Variants in STK3 observed in about 807,000 individuals in gnomAD.
STK3 encodes the protein serine/threonine kinase 3.
STK3 carries 41 observed loss-of-function variants against 58.0 expected under a neutral mutation model. That is an observed-to-expected ratio of 0.71 (90% CI 0.55 to 0.92). The LOEUF (loss-of-function observed/expected upper bound fraction) is 0.92. Ranked by LOEUF, STK3 falls within the 40% of genes least tolerant of loss-of-function variation. The pLI is 0.00. For synonymous variants in STK3, 170 were observed against 191.0 expected (o/e 0.89, Z 0.91); for missense variants, 479 against 602.7 (o/e 0.79, Z 2.15).
At chr8:98,510,837 C>G (rs1024958897) in intron 10 of STK3, among the ~76,000 whole-genome samples, 1 of 151,784 alleles carries the variant, frequency 6.6e-6, no homozygotes, top group Non-Finnish European at 1.5e-5. Flanking sequence ...AATAGGATAC[C>G]CTGTGAGTAA....
chr8:98,894,497 A>T (rs963324764), intron 1 of STK3, among the ~76,000 whole-genome samples: 4 of 152,122 alleles, frequency 2.6e-5, no homozygotes, highest in African/African-American at 9.7e-5. Flanking sequence ...TTAAAATTTC[A>T]TCTCTATGGC....
chr8:98,807,521 G>C (rs1041205406), intron 1 of STK3, among the ~76,000 whole-genome samples: 1 of 152,166 alleles, frequency 6.6e-6, no homozygotes, highest in African/African-American at 2.4e-5. Context: ...GGCTCCCAAA[G>C]TACTGGGATT....
At chr8:98,806,953 A>C (rs541806438) in intron 1 of STK3, among the ~76,000 whole-genome samples, 1 of 151,954 alleles carries the variant, frequency 6.6e-6, no homozygotes, top group Non-Finnish European at 1.5e-5. Context: ...AGGAGATCGA[A>C]ACCATCCTGG....
Position 98,901,598 on chromosome 8 carries a change from C to T in STK3, c.-78-17764G>A, listed in dbSNP as rs567585574. Among the ~76,000 whole-genome samples, 4 of 152,368 alleles carry T rather than the reference C, an allele frequency of 2.6e-5. No homozygotes were observed. The East Asian group carries it at 7.7e-4, about 29-fold the overall frequency. On this transcript the variant is annotated intron_variant, in intron 1 of 1. Transcript: ENST00000519420. ...GGGGTTCCCAGGCTGAAATTCCATTCTCAGGTAGCTCACAGGGCAGATCTG... is the reference window on the plus strand; with the variant it reads ...GGGGTTCCCAGGCTGAAATTCCATTTTCAGGTAGCTCACAGGGCAGATCTG...
intron 10 of STK3, among the ~76,000 whole-genome samples, chr8:98,518,170 T>C (rs1002012252): frequency 6.6e-6 from 1 of 152,126 alleles, no homozygotes; most frequent in African/African-American, 2.4e-5. Flanking sequence ...AGAAACCACA[T>C]ACTGCACCTG....
intron 1 of STK3, among the ~76,000 whole-genome samples, chr8:98,440,511 C>T (rs1315125842): frequency 6.6e-6 from 1 of 152,108 alleles, no homozygotes; most frequent in African/African-American, 2.4e-5. Flanking sequence ...GTTCCTCATT[C>T]CCCAATCCCC....
rs187144200 is a variant in STK3, at chr8:98,804,552, T to C, written c.26+20963A>G. Among the ~76,000 whole-genome samples, 1,408 of 152,274 alleles carry C rather than the reference T, an allele frequency of 9.2e-3. 13 individuals carry two copies. Among genetic ancestry groups the C allele is most frequent in the African/African-American group, 0.032 (1,310 of 41,542 alleles). ...TCAGTTACTATCAAGTATAACACAATAGTCACCTTTTTTAAGGTAGATATC... is the reference window on the plus strand; with the variant it reads ...TCAGTTACTATCAAGTATAACACAACAGTCACCTTTTTTAAGGTAGATATC... On this transcript the variant is annotated intron_variant, in intron 1 of 10. Coordinates refer to ENST00000419617, the MANE Select transcript of STK3 (RefSeq NM_006281.4).
At chr8:98,904,851 T>C (rs1199252433) in intron 1 of STK3, 2 of 670,276 alleles carry the variant, frequency 3.0e-6, no homozygotes, top group Non-Finnish European at 5.7e-6. Context: ...GTATCTGTCT[T>C]AGGGATTAGC....
At chr8:98,904,773 G>A (rs1587828156) in intron 1 of STK3, 2 of 702,848 alleles carry the variant, frequency 2.8e-6, no homozygotes, top group East Asian at 8.0e-5. Context: ...TCCACAATAG[G>A]AGGAAGTGGT....
At position 98,526,799 on chromosome 8, in the gene STK3, C is replaced by G. The variant is rs536624746; in HGVS notation, c.1260G>C (p.Met420Ile). 2 of 1,587,888 alleles carry G rather than the reference C, an allele frequency of 1.3e-6. No homozygotes were observed. Among genetic ancestry groups the G allele is most frequent in the East Asian group, 2.3e-5 (1 of 44,416 alleles). ...AGTTATCAGGAAAAACGTTTTTGGA[C>G]ATAGGGAAGGGTTCATGCATGTTCT... ...CNQNMHEPFP[M>I]SKNVFPDNWK... is the part of the protein sequence containing the mutation. The change falls in exon 10 of 11, where the codon ATG becomes ATC. Residue 420 changes from methionine (M) to isoleucine (I), a missense_variant. Met to Ile is a conservative substitution (Grantham distance 10). Around this residue, in one of 3 missense-constraint regions of STK3, gnomAD observed 309 missense variants for 355.7 expected, o/e 0.87. Coordinates refer to ENST00000419617, the MANE Select transcript of STK3 (RefSeq NM_006281.4).
intron 4 of STK3, among the ~76,000 whole-genome samples, chr8:98,727,339 G>A (rs981906213): frequency 6.6e-6 from 1 of 152,202 alleles, no homozygotes; most frequent in Non-Finnish European, 1.5e-5. Context: ...GTGAGGCCAA[G>A]AAAGAGGTAT....
chr8:98,886,932 T>C (rs1328388040), intron 1 of STK3, among the ~76,000 whole-genome samples: 2 of 152,020 alleles, frequency 1.3e-5, no homozygotes, highest in Non-Finnish European at 2.9e-5. Flanking sequence ...ACCCCATCTC[T>C]ACTAAAAATA....
intron 6 of STK3, among the ~76,000 whole-genome samples, chr8:98,703,127 G>C (rs1825735287): frequency 6.6e-6 from 1 of 152,010 alleles, no homozygotes; most frequent in South Asian, 2.1e-4. Context: ...AAACTTAGAG[G>C]GTTCAGATTT....
At chr8:98,513,381 T>C (rs1199132276) in intron 10 of STK3, among the ~76,000 whole-genome samples, 1 of 152,118 alleles carries the variant, frequency 6.6e-6, no homozygotes, top group Non-Finnish European at 1.5e-5. Flanking sequence ...AGCACCAAGA[T>C]ATTACATCAA....
At chr8:98,413,594 T>G (rs1818079680) in intron 3 of STK3, 4 of 687,090 alleles carry the variant, frequency 5.8e-6, no homozygotes, top group Middle Eastern at 3.3e-4. Flanking sequence ...TGTTGAGAGT[T>G]GTTTCAATTT....
chr8:98,863,475 T>G (rs969383579), intron 3 of STK3, among the ~76,000 whole-genome samples: 1 of 152,084 alleles, frequency 6.6e-6, no homozygotes, highest in East Asian at 1.9e-4. Flanking sequence ...AAGATTTACT[T>G]TGAGGAATTC....
intron 7 of STK3, among the ~76,000 whole-genome samples, chr8:98,580,962 A>C (rs2131733544): frequency 6.6e-6 from 1 of 152,346 alleles, no homozygotes; most frequent in Non-Finnish European, 1.5e-5. Flanking sequence ...AGAACCAATA[A>C]ATTATTTTAG....
chr8:98,866,645 G>A (rs1439289969), intron 3 of STK3, among the ~76,000 whole-genome samples: 5 of 152,218 alleles, frequency 3.3e-5, no homozygotes, highest in African/African-American at 1.2e-4. Flanking sequence ...GGCTCCCCAG[G>A]AAACAGATTC....
At chr8:98,722,198 T>G (rs1463487573) in intron 4 of STK3, among the ~76,000 whole-genome samples, 5 of 152,276 alleles carry the variant, frequency 3.3e-5, no homozygotes, top group African/African-American at 1.2e-4. Flanking sequence ...AAAATGGCAC[T>G]CAGAAACCAA....
Sources: gnomAD v4.1 joint callset for allele counts (sites outside exome capture counted in the v4.1 genomes callset) on GRCh38, gnomAD v4.1.1 for gene constraint, gnomAD v4.1.1 regional missense constraint, MANE v1.5 for transcripts, NCBI Gene and HGNC (gene_info 2026-07-23, HGNC 2026-07-21) for gene names.